Variants in MYO5A observed in about 807,000 individuals in gnomAD.
MYO5A encodes the protein unconventional myosin-Va.
In MYO5A, 98 loss-of-function variants were observed where a neutral mutation model predicts 249.7. The ratio of observed to expected loss-of-function variants is 0.39; its 90% CI spans 0.33 to 0.46. The LOEUF is 0.46. Among genes scored for constraint, MYO5A ranks in the 20% least tolerant of loss-of-function variants. The pLI is 0.98. For synonymous variants in MYO5A, 778 were observed against 810.6 expected (o/e 0.96, Z 0.68); for missense variants, 1,696 against 2,308.8 (o/e 0.73, Z 5.44).
Position 52,372,129 on chromosome 15 carries a change from C to T in MYO5A, c.2812G>A (p.Glu938Lys), listed in dbSNP as rs2041157089. Reference protein sequence around the residue: ...KIMQLQRKVDEQNKDYKCLVE... With the variant: ...KIMQLQRKVDKQNKDYKCLVE... ...GGCCCCTTTGTGAAACACACCTGCTCATCAACTTTGCGCTGCAGCTGCATG... is the reference window on the plus strand; with the variant it reads ...GGCCCCTTTGTGAAACACACCTGCTTATCAACTTTGCGCTGCAGCTGCATG... The change falls in exon 21 of 42, where the codon GAG becomes AAG. Residue 938 changes from glutamate to lysine, a missense_variant. Coordinates refer to ENST00000399233, the MANE Select transcript of MYO5A (RefSeq NM_001382347.1). The T allele has an allele frequency of 1.2e-6, 2 of 1,613,532 alleles. No homozygotes were observed. The highest frequency in any genetic ancestry group is 1.3e-5 in the African/African-American group (1 of 74,918).
At chr15:52,428,806 C>T (rs1212187043) in intron 2 of MYO5A, among the ~76,000 whole-genome samples, 1 of 152,192 alleles carries the variant, frequency 6.6e-6, no homozygotes, top group Non-Finnish European at 1.5e-5. Flanking sequence ...AAAGCCATAG[C>T]CTAGACCTTT....
At chr15:52,452,870 A>G (rs1427786175) in intron 1 of MYO5A, among the ~76,000 whole-genome samples, 1 of 151,922 alleles carries the variant, frequency 6.6e-6, no homozygotes, top group Non-Finnish European at 1.5e-5. Flanking sequence ...AAATAGCCAT[A>G]GGAGAAACAA....
At chr15:52,411,367 G>A (rs953980509) in intron 5 of MYO5A, among the ~76,000 whole-genome samples, 1 of 152,172 alleles carries the variant, frequency 6.6e-6, no homozygotes, top group Non-Finnish European at 1.5e-5. Flanking sequence ...ACCAGAAAAA[G>A]TAAAATTTGG....
In MYO5A at chr15:52,410,433, C is replaced by T. The variant is rs1446850592; in HGVS notation, c.656G>A (p.Arg219His). Residue 219 changes from arginine to histidine, a missense_variant, in exon 6 of 42, where the codon CGT (arginine) becomes CAT (histidine). By Grantham distance (29) the Arg-to-His change is conservative (BLOSUM62 0). Transcript: ENST00000399233. The part of the protein sequence containing the change: ...AKTTRNDNSS[R>H]FGKYIEIGFD... ...ACCAATCTCAATATACTTCCCAAAACGGCTGCTATTATCATTCCTGGTTGT... is the reference window on the plus strand; with the variant it reads ...ACCAATCTCAATATACTTCCCAAAATGGCTGCTATTATCATTCCTGGTTGT... 3.1e-6 allele frequency: 5 copies of T among 1,613,582 alleles called. No homozygotes were observed. Among genetic ancestry groups the T allele is most frequent in the Non-Finnish European group, 3.4e-6 (4 of 1,179,612 alleles).
chr15:52,353,579 A>G, intron 27 of MYO5A, 26 bp downstream of exon 27: 1 of 1,606,804 alleles, frequency 6.2e-7, no homozygotes, highest in South Asian at 1.1e-5. Context: ...AAATATTCAA[A>G]GTCTTGAGCA....
chr15:52,466,831 C>T (rs529920146), intron 1 of MYO5A, among the ~76,000 whole-genome samples: 1 of 152,158 alleles, frequency 6.6e-6, no homozygotes, highest in African/African-American at 2.4e-5. Context: ...GCCTGAAGAG[C>T]CCACTGCAAC....
At chr15:52,350,922 C>T (rs1288193787) in intron 28 of MYO5A, among the ~76,000 whole-genome samples, 1 of 151,984 alleles carries the variant, frequency 6.6e-6, no homozygotes, top group African/African-American at 2.4e-5. Context: ...AATGCCTTCC[C>T]GCAGTAAGAA....
chr15:52,442,748 C>G (rs1283511419), intron 1 of MYO5A, among the ~76,000 whole-genome samples: 3 of 131,124 alleles, frequency 2.3e-5, no homozygotes. Context: ...ATTGTTAAAA[C>G]AGTTTTTTTC....
intron 35 of MYO5A, among the ~76,000 whole-genome samples, chr15:52,328,357 C>A (rs1487193167): frequency 6.6e-6 from 1 of 152,196 alleles, no homozygotes; most frequent in African/African-American, 2.4e-5. Context: ...TTGTCCCCAT[C>A]TTAGTAAATA....
In MYO5A at chr15:52,307,453, C is replaced by T. The variant is rs941667692; in HGVS notation, c.*6243G>A. 6.6e-6 allele frequency: 1 copy of T among 152,010 alleles called. No individual in the cohort carries two copies. Among genetic ancestry groups the T allele is most frequent in the Non-Finnish European group, 1.5e-5 (1 of 67,966 alleles). The allele number at this position is 152,010 out of a possible 1,614,324, so 9.4% of individuals were successfully genotyped here. A position where few individuals can be genotyped will look rare whatever the true frequency, so the allele number is the denominator to read the frequency against. ...AGCACTAGGTGATATCTAGTGAAAA[C>T]CCATGTTTCAAAGGCTTTTGTTGAT... On this transcript the variant is annotated 3_prime_UTR_variant, in exon 42 of 42. Coordinates refer to ENST00000399233, the MANE Select transcript of MYO5A (RefSeq NM_001382347.1).
intron 31 of MYO5A, among the ~76,000 whole-genome samples, chr15:52,340,945 T>C (rs1229585563): frequency 1.4e-5 from 2 of 145,442 alleles, no homozygotes; most frequent in Non-Finnish European, 3.0e-5. Context: ...AGAGCAAAAC[T>C]TCGTCTCAAA....
At chr15:52,333,604 G>A (rs2038986024) in intron 34 of MYO5A, among the ~76,000 whole-genome samples, 1 of 152,082 alleles carries the variant, frequency 6.6e-6, no homozygotes, top group African/African-American at 2.4e-5. Flanking sequence ...AAATTAAGAT[G>A]GGTGAAAATA....
rs528683570 is a variant in MYO5A, at chr15:52,463,020, G to A, written c.28-29735C>T. 3.9e-5 allele frequency among the ~76,000 whole-genome samples: 6 copies of A among 152,278 alleles called. No homozygotes were observed. The East Asian group carries it at 1.2e-3, about 29-fold the overall frequency. The stretch of plus-strand genomic sequence containing the variant: ...GTGGTCGGGTTCTCAGTATGACTGA[G>A]AGAAACTGACAGGACAATGGGAATC... On this transcript the variant is annotated intron_variant, in intron 1 of 41. Coordinates refer to ENST00000399233, the MANE Select transcript of MYO5A (RefSeq NM_001382347.1).
chr15:52,346,210 G>A, intron 30 of MYO5A, 151 bp downstream of exon 30: 1 of 637,044 alleles, frequency 1.6e-6, no homozygotes, highest in South Asian at 1.8e-5. Flanking sequence ...ATCTTAACTA[G>A]AAATACACTG....
At chr15:52,524,704 T>C (rs1186015957) in intron 1 of MYO5A, among the ~76,000 whole-genome samples, 3 of 152,052 alleles carry the variant, frequency 2.0e-5, no homozygotes, top group East Asian at 1.9e-4. Context: ...ATACTGAGAC[T>C]ATCTCTAGAA....
At position 52,528,752 on chromosome 15, in the gene MYO5A, C is replaced by T. The variant is rs370674763; in HGVS notation, c.27+28G>A. ...GCGGCGAGGGCCGCACAGCCCCAGT[C>T]CTCGACGCCGGCCGCGGGGTGCCTT... On this transcript the variant is annotated intron_variant, in intron 1 of 41. Coordinates refer to ENST00000399233, the MANE Select transcript of MYO5A (RefSeq NM_001382347.1). The T allele has an allele frequency of 5.7e-5, 86 of 1,502,752 alleles. No individual in the cohort carries two copies. In the East Asian group the frequency reaches 8.0e-4, roughly 14 times the overall value. The allele number at this position is 1,502,752 out of a possible 1,614,324, so 93.1% of individuals were successfully genotyped here. A position where few individuals can be genotyped will look rare whatever the true frequency, so the allele number is the denominator to read the frequency against.
At chr15:52,481,572 A>G (rs17707912) in intron 1 of MYO5A, among the ~76,000 whole-genome samples, 22,855 of 152,204 alleles carry the variant, frequency 0.15, 1,828 homozygotes, top group Middle Eastern at 0.22. Context: ...AACCTCACCC[A>G]ACTTGTGCAA....
chr15:52,390,723 C>A (rs1453809467), intron 12 of MYO5A, among the ~76,000 whole-genome samples: 1 of 151,978 alleles, frequency 6.6e-6, no homozygotes, highest in Non-Finnish European at 1.5e-5. Context: ...CCATGCCCAG[C>A]TAATTTTTTG....
intron 1 of MYO5A, among the ~76,000 whole-genome samples, chr15:52,471,945 T>C (rs1261047467): frequency 1.3e-5 from 2 of 152,074 alleles, no homozygotes; most frequent in African/African-American, 2.4e-5. Context: ...GGAATCCTCC[T>C]GCCTCGGCCT....
Sources: gnomAD v4.1 joint callset for allele counts (sites outside exome capture counted in the v4.1 genomes callset) on GRCh38, gnomAD v4.1.1 for gene constraint, MANE v1.5 for transcripts, NCBI Gene and HGNC (gene_info 2026-07-23, HGNC 2026-07-21) for gene names.